The following CAMK4 variants were observed in gnomAD, a reference collection of about 807,000 sequenced individuals.
CAMK4 encodes the protein calcium/calmodulin dependent protein kinase IV, also known as calcium/calmodulin-dependent protein kinase type IV.
In CAMK4, 22 loss-of-function variants were observed where a neutral mutation model predicts 44.9. The observed-to-expected ratio is 0.49, with a 90% CI of 0.35 to 0.70. The LOEUF (loss-of-function observed/expected upper bound fraction) is 0.70. Among genes scored for constraint, CAMK4 ranks in the 30% least tolerant of loss-of-function variants. The pLI is 0.01. For missense variants in CAMK4, 498 were observed against 586.8 expected, an observed-to-expected ratio of 0.85 and a Z score of 1.56; for synonymous variants, 218 against 215.4, an observed-to-expected ratio of 1.01 and a Z score of -0.11.
At chr5:111,246,897 G>A (rs1184785229) in intron 1 of CAMK4, among the ~76,000 whole-genome samples, 1 of 152,128 alleles carries the variant, frequency 6.6e-6, no homozygotes, top group Non-Finnish European at 1.5e-5. Context: ...AACCAATAAT[G>A]TTTACTATAT....
rs115596105 is a variant in CAMK4 at position 111,374,807 on chromosome 5, G to C, written c.241-43G>C. ...TTTCTATTTCTCTGCTACAATGAAG[G>C]GGGGAGTTTCTTTCAGTTTATCTCT... On this transcript the variant is annotated intron_variant, in intron 2 of 10. Transcript: ENST00000282356. 1.4e-3 allele frequency: 1,720 copies of C among 1,194,254 alleles called. 13 individuals are homozygous for C. The African/African-American group carries it at 0.022, about 15-fold the overall frequency. The allele number at this position is 1,194,254 out of a possible 1,614,324, so 74.0% of individuals were successfully genotyped here. A position where few individuals can be genotyped will look rare whatever the true frequency, so the allele number is the denominator to read the frequency against.
intron 1 of CAMK4, among the ~76,000 whole-genome samples, chr5:111,260,997 A>G (rs539022631): frequency 6.6e-6 from 1 of 152,258 alleles, no homozygotes; most frequent in African/African-American, 2.4e-5. Flanking sequence ...CTACCTTTCA[A>G]AATATGTAAA....
At chr5:111,427,260 C>G (rs1053426357) in intron 5 of CAMK4, among the ~76,000 whole-genome samples, 101 of 152,264 alleles carry the variant, frequency 6.6e-4, no homozygotes, top group African/African-American at 2.3e-3. Context: ...AGAAGGGAAC[C>G]TGATACTTTG....
intron 7 of CAMK4, among the ~76,000 whole-genome samples, chr5:111,469,959 A>AATGTCAGT (rs1371692562): frequency 6.6e-6 from 1 of 152,260 alleles, no homozygotes; most frequent in Non-Finnish European, 1.5e-5. Context: ...TTTATGTTTA[A>AATGTCAGT]ATGTCAGTAT....
At chr5:111,250,069 TC>T (rs1414052529) in intron 1 of CAMK4, among the ~76,000 whole-genome samples, 1 of 152,222 alleles carries the variant, frequency 6.6e-6, no homozygotes, top group African/African-American at 2.4e-5. Flanking sequence ...TACCTGATTA[TC>T]TGTCTGACTC....
At chr5:111,248,777 A>G (rs1401691095) in intron 1 of CAMK4, among the ~76,000 whole-genome samples, 1 of 152,168 alleles carries the variant, frequency 6.6e-6, no homozygotes. Context: ...CATATGGTCT[A>G]GAGTCTAGAT....
At chr5:111,363,030 C>T (rs945954772) in intron 2 of CAMK4, among the ~76,000 whole-genome samples, 6 of 152,004 alleles carry the variant, frequency 3.9e-5, no homozygotes, top group African/African-American at 1.2e-4. Flanking sequence ...AGGAAAAGTA[C>T]GGGATTTCTA....
At chr5:111,423,576 A>C (rs564983625) in intron 5 of CAMK4, among the ~76,000 whole-genome samples, 2 of 152,348 alleles carry the variant, frequency 1.3e-5, no homozygotes, top group East Asian at 3.9e-4. Flanking sequence ...GCTGTTGCAG[A>C]AAATTAGCCA....
At chr5:111,254,033 C>G (rs1441534607) in intron 1 of CAMK4, among the ~76,000 whole-genome samples, 1 of 152,050 alleles carries the variant, frequency 6.6e-6, no homozygotes, top group Non-Finnish European at 1.5e-5. Context: ...GTAAAACTAC[C>G]ATAGTTTAAG....
intron 1 of CAMK4, among the ~76,000 whole-genome samples, chr5:111,314,084 A>G (rs1223112637): frequency 6.6e-6 from 1 of 152,124 alleles, no homozygotes; most frequent in East Asian, 1.9e-4. Flanking sequence ...AATAGGAAGT[A>G]ATGGAAAAAC....
chr5:111,387,800 T>C (rs1182221911), intron 4 of CAMK4, among the ~76,000 whole-genome samples: 1 of 152,204 alleles, frequency 6.6e-6, no homozygotes, highest in African/African-American at 2.4e-5. Flanking sequence ...CTAATAATTT[T>C]ACCACAGTGC....
chr5:111,253,365 TGC>T (rs1160806946), intron 1 of CAMK4, among the ~76,000 whole-genome samples: 1 of 152,210 alleles, frequency 6.6e-6, no homozygotes, highest in East Asian at 1.9e-4. Flanking sequence ...CCGGCTGCCC[TGC>T]TTGCCCCGGA....
rs567514592 is a variant in CAMK4, at chr5:111,312,348, C to T, written c.162-31676C>T. On this transcript the variant is annotated intron_variant, in intron 1 of 10. Coordinates refer to ENST00000282356, the MANE Select transcript of CAMK4 (RefSeq NM_001744.6). ...ATTTACCTCTTATTAATTGTATGAC[C>T]TTGAGCAAGTGCTTCACTCTTTTCA... 2.6e-5 allele frequency among the ~76,000 whole-genome samples: 4 copies of T among 152,232 alleles called. No homozygotes were observed. In the South Asian group the frequency reaches 8.3e-4, roughly 32 times the overall value.
chr5:111,473,315 T>C lies in CAMK4; in HGVS notation c.630T>C (p.Pro210=), dbSNP rs1267053453. ...TVCGTPGYCA[P]EILRGCAYGP... is the part of the protein sequence containing the mutation. ...CAATTTTCACTTTTTCTGCAGCACC[T>C]GAAATTCTTAGAGGTTGTGCCTATG... The change falls in exon 8 of 11, where the codon CCT becomes CCC. Residue 210 remains proline, a synonymous_variant. Transcript: ENST00000282356. 1.2e-6 allele frequency: 2 copies of C among 1,607,158 alleles called. No individual in the cohort carries two copies. The highest frequency in any genetic ancestry group is 1.7e-6 in the Non-Finnish European group (2 of 1,174,062).
chr5:111,427,983 G>C (rs549067791), intron 5 of CAMK4, among the ~76,000 whole-genome samples: 1 of 152,358 alleles, frequency 6.6e-6, no homozygotes, highest in East Asian at 1.9e-4. Flanking sequence ...TCATACCAGT[G>C]GTGGCCACAG....
intron 1 of CAMK4, among the ~76,000 whole-genome samples, chr5:111,328,363 G>C (rs567768709): frequency 9.4e-4 from 143 of 151,634 alleles, no homozygotes; most frequent in Non-Finnish European, 1.8e-3. Flanking sequence ...CTGTTCCATT[G>C]GTCTATATCT....
intron 1 of CAMK4, among the ~76,000 whole-genome samples, chr5:111,285,250 A>G (rs1311906847): frequency 6.6e-6 from 1 of 152,236 alleles, no homozygotes; most frequent in African/African-American, 2.4e-5. Flanking sequence ...TGGGAAATGA[A>G]CTATACACAT....
At chr5:111,345,786 C>T (rs544656888) in intron 2 of CAMK4, among the ~76,000 whole-genome samples, 7 of 151,996 alleles carry the variant, frequency 4.6e-5, no homozygotes, top group African/African-American at 1.2e-4. Flanking sequence ...GGGTTCATGA[C>T]GTATATTCGT....
intron 5 of CAMK4, among the ~76,000 whole-genome samples, chr5:111,443,234 T>C (rs1580759618): frequency 3.4e-5 from 4 of 117,340 alleles, no homozygotes; most frequent in Admixed American, 9.7e-5. Context: ...TTTAAATGCC[T>C]CCCCCTACCA....
Sources: gnomAD v4.1 joint callset for allele counts (sites outside exome capture counted in the v4.1 genomes callset) on GRCh38, gnomAD v4.1.1 for gene constraint, MANE v1.5 for transcripts, NCBI Gene and HGNC (gene_info 2026-07-23, HGNC 2026-07-21) for gene names.